The following IQSEC3 variants were observed in gnomAD, a reference collection of about 807,000 sequenced individuals.
The protein encoded by IQSEC3 is IQ motif and Sec7 domain ArfGEF 3.
IQSEC3 carries 50 observed loss-of-function variants against 105.4 expected under a neutral mutation model. That is an observed-to-expected ratio of 0.47 (90% CI 0.38 to 0.60). The LOEUF (loss-of-function observed/expected upper bound fraction) is 0.60, where lower values mean the gene tolerates loss of function less well. Ranked by LOEUF, IQSEC3 falls within the 20% of genes least tolerant of loss-of-function variation. IQSEC3 has a pLI of 0.00. For missense variants in IQSEC3, 1,415 were observed against 1,630.0 expected, an observed-to-expected ratio of 0.87 and a Z score of 2.27; for synonymous variants, 708 against 746.0, an observed-to-expected ratio of 0.95 and a Z score of 0.83.
intron 1 of IQSEC3, among the ~76,000 whole-genome samples, chr12:97,157 C>T (rs1368567058): frequency 2.6e-5 from 4 of 152,312 alleles, no homozygotes; most frequent in East Asian, 3.9e-4. Flanking sequence ...TTAGGGTTCT[C>T]GTTCTGTCAA....
intron 1 of IQSEC3, among the ~76,000 whole-genome samples, chr12:86,972 A>G (rs1555072213): frequency 6.6e-6 from 1 of 151,976 alleles, no homozygotes; most frequent in East Asian, 1.9e-4. Context: ...GGCCTCCATG[A>G]AATTCCTTCC....
At chr12:162,137 C>T in intron 8 of IQSEC3, 72 bp downstream of exon 8, 1 of 1,536,200 alleles carries the variant, frequency 6.5e-7, no homozygotes, top group East Asian at 2.3e-5. Context: ...TCCCATTCTC[C>T]TTCTTACCTT....
chr12:81,469 T>A (rs1158247814), intron 1 of IQSEC3, among the ~76,000 whole-genome samples: 1 of 152,124 alleles, frequency 6.6e-6, no homozygotes, highest in Non-Finnish European at 1.5e-5. Flanking sequence ...ACCAGGGTAG[T>A]AGCAATGAAA....
intron 3 of IQSEC3, among the ~76,000 whole-genome samples, chr12:128,747 C>T (rs534857828): frequency 4.5e-4 from 68 of 152,294 alleles, no homozygotes; most frequent in African/African-American, 1.6e-3. Flanking sequence ...GCCTGCACGC[C>T]GGGAGACCTC....
Position 121,132 on chromosome 12 carries a change from C to T in IQSEC3, c.624-4501C>T, listed in dbSNP as rs140891285. ...ACATACTTCCTGTCGAAGGGCCAGG[C>T]TGCCTGAAATCTGACCCACTAGGGA... On this transcript the variant is annotated intron_variant, in intron 2 of 13. Transcript: ENST00000538872. 9.2e-4 allele frequency among the ~76,000 whole-genome samples: 140 copies of T among 152,298 alleles called. 2 individuals are homozygous for T. The highest frequency in any genetic ancestry group is 3.2e-3 in the African/African-American group (134 of 41,562).
At chr12:161,382 G>A (rs555438763) in intron 7 of IQSEC3, among the ~76,000 whole-genome samples, 1 of 152,278 alleles carries the variant, frequency 6.6e-6, no homozygotes, top group East Asian at 1.9e-4. Flanking sequence ...GTCCTCGCCT[G>A]CATTGCCAGG....
intron 3 of IQSEC3, among the ~76,000 whole-genome samples, chr12:132,677 G>A (rs1865639847): frequency 6.6e-6 from 1 of 152,188 alleles, no homozygotes; most frequent in Non-Finnish European, 1.5e-5. Context: ...GACAAGGCAA[G>A]TTTCCCAGGC....
At position 175,987 on chromosome 12, in the gene IQSEC3, A is replaced by G. The variant is rs1217825411; in HGVS notation, c.*954A>G. On this transcript the variant is annotated 3_prime_UTR_variant, in exon 14 of 14. Coordinates refer to ENST00000538872, the MANE Select transcript of IQSEC3 (RefSeq NM_001170738.2). ...AGCCCGAGGCAGGGCTCCCTCCTGC[A>G]TGAGGCTCGGCCCGAGGCAGGGCTC... 1 of 142,192 alleles carries G rather than the reference A, an allele frequency of 7.0e-6. No individual in the cohort carries two copies. The highest frequency in any genetic ancestry group is 1.9e-4 in the East Asian group (1 of 5,180). The allele number at this position is 142,192 out of a possible 1,614,324, so 8.8% of individuals were successfully genotyped here.
chr12:69,412 TATA>T (rs1208868374), intron 1 of IQSEC3, among the ~76,000 whole-genome samples: 1 of 152,274 alleles, frequency 6.6e-6, no homozygotes, highest in Non-Finnish European at 1.5e-5. Flanking sequence ...GGAGAGGAGT[TATA>T]ATATCCTCAC....
At chr12:68,717 A>G (rs1863193655) in intron 1 of IQSEC3, among the ~76,000 whole-genome samples, 1 of 152,258 alleles carries the variant, frequency 6.6e-6, no homozygotes, top group African/African-American at 2.4e-5. Flanking sequence ...CAGGTGCATT[A>G]AGTCTGGGAG....
chr12:80,871 G>A lies in IQSEC3; in HGVS notation c.554+13435G>A, dbSNP rs544320409. Among the ~76,000 whole-genome samples the A allele has an allele frequency of 7.0e-4, 107 of 152,262 alleles. 1 individual carries two copies. The highest frequency in any genetic ancestry group is 2.3e-3 in the African/African-American group (96 of 41,556). ...GGGAGTTCTGTGGCTGTCTGGGGAC[G>A]GGCATTCCTGGCAGGACAAACAGCT... On this transcript the variant is annotated intron_variant, in intron 1 of 13. Coordinates refer to ENST00000538872, the MANE Select transcript of IQSEC3 (RefSeq NM_001170738.2).
At chr12:169,987 C>T (rs1420656255) in intron 12 of IQSEC3, among the ~76,000 whole-genome samples, 6 of 152,188 alleles carry the variant, frequency 3.9e-5, no homozygotes, top group African/African-American at 1.2e-4. Context: ...CAGTGGGCCC[C>T]GTGTGGTCCA....
At chr12:81,458 G>C (rs1555070702) in intron 1 of IQSEC3, among the ~76,000 whole-genome samples, 1 of 152,200 alleles carries the variant, frequency 6.6e-6, no homozygotes, top group Non-Finnish European at 1.5e-5. Context: ...TAGTAGCTTG[G>C]ACCAGGGTAG....
intron 6 of IQSEC3, 104 bp downstream of exon 6, chr12:157,251 T>A: frequency 7.1e-7 from 1 of 1,410,918 alleles, no homozygotes; most frequent in South Asian, 1.5e-5. Context: ...GGTTGGACAT[T>A]GGGCCAGAAA....
At chr12:141,599 G>C (rs1041034640) in intron 5 of IQSEC3, 8 of 322,336 alleles carry the variant, frequency 2.5e-5, no homozygotes, top group Admixed American at 1.4e-4. Context: ...CCAGGAAAAG[G>C]AAAGGGCTTG....
chr12:163,645 G>C (rs1555097227), intron 9 of IQSEC3, 26 bp downstream of exon 9: 3 of 1,300,260 alleles, frequency 2.3e-6, no homozygotes, highest in Non-Finnish European at 3.3e-6. Flanking sequence ...TCCGGGACTG[G>C]GCTGGGCTGG....
intron 1 of IQSEC3, among the ~76,000 whole-genome samples, chr12:88,389 C>A (rs541232632): frequency 6.6e-6 from 1 of 152,296 alleles, no homozygotes; most frequent in African/African-American, 2.4e-5. Context: ...TAGGAAAAAC[C>A]TCACTGAATA....
chr12:170,915 C>A (rs907454506), intron 12 of IQSEC3, among the ~76,000 whole-genome samples, 197 bp from the exon 13 acceptor site: 13 of 152,204 alleles, frequency 8.5e-5, no homozygotes, highest in African/African-American at 3.1e-4. Context: ...TTCTAGTCTG[C>A]GGCAGCCCAG....
At position 178,141 on chromosome 12, in the gene IQSEC3, CT is replaced by C. The variant is rs1263506931; in HGVS notation, c.*3110del. 2.0e-5 allele frequency: 3 copies of C among 152,338 alleles called. No individual in the cohort carries two copies. The highest frequency in any genetic ancestry group is 1.9e-4 in the East Asian group (1 of 5,192). 9.4% of individuals were successfully genotyped at this position (152,338 alleles called of 1,614,324 possible). On this transcript the variant is annotated 3_prime_UTR_variant, in exon 14 of 14. Transcript: ENST00000538872. Reference sequence around the variant, plus strand: ...CCTGCCTGCCCGTCTGCACAGGTGTCTTGATCCAGCCCTGCGTCTTCGAGCC... The same window carrying C: ...CCTGCCTGCCCGTCTGCACAGGTGTCTGATCCAGCCCTGCGTCTTCGAGCC...
Sources: allele counts gnomAD v4.1 joint callset (sites outside exome capture counted in the v4.1 genomes callset), GRCh38; gene constraint gnomAD v4.1.1; transcripts MANE v1.5; gene names NCBI Gene and HGNC (gene_info 2026-07-23, HGNC 2026-07-21).